NEBL: variants seen among roughly 807,000 people sequenced by gnomAD.
NEBL encodes nebulette.
NEBL carries 122 observed loss-of-function variants against 140.2 expected under a neutral mutation model. The ratio of observed to expected loss-of-function variants is 0.87; its 90% CI spans 0.75 to 1.01. The LOEUF (loss-of-function observed/expected upper bound fraction) is 1.01. NEBL is among the 50% of genes least tolerant of loss of function. NEBL has a pLI of 0.00. For synonymous variants in NEBL, 436 were observed against 398.9 expected, an observed-to-expected ratio of 1.09 and a Z score of -1.11; for missense variants, 1,365 against 1,231.3, an observed-to-expected ratio of 1.11 and a Z score of -1.62.
intron 1 of NEBL, chr10:21,172,577 G>T: frequency 1.2e-6 from 1 of 806,186 alleles, no homozygotes; most frequent in Non-Finnish European, 2.1e-6. Flanking sequence ...AGTCCCTGTA[G>T]CTGAAAATAT....
At chr10:20,818,714 G>A (rs1838980185) in intron 20 of NEBL, 2 of 857,590 alleles carry the variant, frequency 2.3e-6, no homozygotes, top group African/African-American at 1.8e-5. Flanking sequence ...CCATCTTTGT[G>A]TCTGGGTGAC....
rs1170654051 is a variant in NEBL, at chr10:20,783,211, T to C, written c.*2536A>G. 1 of 152,294 alleles carries C rather than the reference T, an allele frequency of 6.6e-6. No homozygotes were observed. Among genetic ancestry groups the C allele is most frequent in the Non-Finnish European group, 1.5e-5 (1 of 68,036 alleles). The allele number at this position is 152,294 out of a possible 1,614,324, so 9.4% of individuals were successfully genotyped here. On this transcript the variant is annotated 3_prime_UTR_variant, in exon 28 of 28. Transcript: ENST00000377122. ...AATGATGCTTTTAAAAATAGCACTT[T>C]GGTTTTATACATATAATTTTCCAAT... is the stretch of plus-strand genomic sequence containing the variant.
At chr10:20,880,000 T>A (rs1366434716) in intron 5 of NEBL, among the ~76,000 whole-genome samples, 1 of 152,218 alleles carries the variant, frequency 6.6e-6, no homozygotes, top group Admixed American at 6.5e-5. Context: ...AAGTCAGCCA[T>A]TAGGCATCTA....
chr10:20,914,823 T>G (rs2131475736), intron 4 of NEBL, among the ~76,000 whole-genome samples: 1 of 152,206 alleles, frequency 6.6e-6, no homozygotes, highest in Admixed American at 6.5e-5. Context: ...AGGGTAATGG[T>G]TCTCAAGATG....
At chr10:21,130,364 G>C (rs1839045784) in intron 2 of NEBL, among the ~76,000 whole-genome samples, 1 of 152,006 alleles carries the variant, frequency 6.6e-6, no homozygotes, top group Admixed American at 6.6e-5. Flanking sequence ...AAATCAGCAA[G>C]GACATAGTTG....
intron 4 of NEBL, among the ~76,000 whole-genome samples, chr10:20,950,550 A>G (rs929206684): frequency 3.3e-5 from 5 of 152,154 alleles, no homozygotes; most frequent in Non-Finnish European, 7.3e-5. Context: ...CATCCAGAAA[A>G]GTGGTTTTTC....
At chr10:21,229,278 A>G (rs1284764621) in intron 3 of NEBL, among the ~76,000 whole-genome samples, 2 of 152,152 alleles carry the variant, frequency 1.3e-5, no homozygotes, top group Non-Finnish European at 2.9e-5. Context: ...AATATTATCC[A>G]GGCATGGAAG....
intron 2 of NEBL, among the ~76,000 whole-genome samples, chr10:21,151,749 C>T (rs1346885712): frequency 6.6e-6 from 1 of 152,162 alleles, no homozygotes; most frequent in African/African-American, 2.4e-5. Flanking sequence ...TTGCCTATAC[C>T]AGGTTTTGCT....
At chr10:21,075,346 C>T (rs905793784) in intron 2 of NEBL, among the ~76,000 whole-genome samples, 3 of 152,106 alleles carry the variant, frequency 2.0e-5, no homozygotes, top group Non-Finnish European at 4.4e-5. Context: ...GAGAGGGTCA[C>T]TTGCTGATAA....
chr10:20,943,010 C>T (rs1834964570), intron 4 of NEBL, among the ~76,000 whole-genome samples: 1 of 152,176 alleles, frequency 6.6e-6, no homozygotes, highest in Admixed American at 6.5e-5. Flanking sequence ...ACTAGTTCAA[C>T]CATTGTGGAA....
At chr10:20,817,872 G>C (rs2130817988) in intron 20 of NEBL, among the ~76,000 whole-genome samples, 180 bp from the exon 21 acceptor site, 1 of 152,294 alleles carries the variant, frequency 6.6e-6, no homozygotes, top group Admixed American at 6.5e-5. Context: ...GCAAGCACAA[G>C]TTGTTGCTGG....
In NEBL at chr10:20,840,776, A is replaced by C; in HGVS notation, c.1301T>G (p.Ile434Ser). ...TTCAGAGGCTCGCTTTGCTCTTTGG[A>C]TATCAAGAACTTCTGAATTAAGTTC... Reference protein sequence around the residue: ...GMELNSEVLDIQRAKRASEMA... With the variant: ...GMELNSEVLDSQRAKRASEMA... The change falls in exon 13 of 28, where the codon ATC becomes AGC. Residue 434 changes from isoleucine to serine, a missense_variant. By Grantham distance (142) the Ile-to-Ser change is moderately radical (BLOSUM62 -2). Transcript: ENST00000377122. 1 of 1,612,000 alleles carries C rather than the reference A, an allele frequency of 6.2e-7. No homozygotes were observed. Among genetic ancestry groups the C allele is most frequent in the Non-Finnish European group, 8.5e-7 (1 of 1,178,596 alleles).
chr10:21,233,965 T>A (rs1842309464), intron 3 of NEBL, among the ~76,000 whole-genome samples: 1 of 147,738 alleles, frequency 6.8e-6, no homozygotes, highest in South Asian at 2.1e-4. Flanking sequence ...TTAGTATAGA[T>A]GCATCCTTCC....
intron 4 of NEBL, among the ~76,000 whole-genome samples, chr10:20,904,257 C>T (rs983871833): frequency 6.6e-6 from 1 of 152,060 alleles, no homozygotes; most frequent in Admixed American, 6.6e-5. Context: ...TGAGACAGAC[C>T]CTTTTTGCAC....
rs138475771 is a variant in NEBL at position 21,035,303 on chromosome 10, G to A, written c.165-15102C>T. ...ATAAGCCACCATGCCCAGCCCCCAA[G>A]CTATTTATTCTGATGCTCTCCTTCC... is the stretch of plus-strand genomic sequence containing the variant. On this transcript the variant is annotated intron_variant, in intron 2 of 6. Coordinates refer to the NEBL transcript ENST00000417816. Among the ~76,000 whole-genome samples, 268 of 149,392 alleles carry A rather than the reference G, an allele frequency of 1.8e-3. 1 individual carries two copies. Among genetic ancestry groups the A allele is most frequent in the African/African-American group, 6.2e-3 (253 of 40,590 alleles).
At chr10:20,849,522 T>C (rs1842306644) in intron 11 of NEBL, among the ~76,000 whole-genome samples, 1 of 152,232 alleles carries the variant, frequency 6.6e-6, no homozygotes, top group Admixed American at 6.5e-5. Flanking sequence ...GGAATGGTTT[T>C]GTTACCATGG....
At chr10:21,122,064 C>T (rs1435186052) in intron 2 of NEBL, among the ~76,000 whole-genome samples, 1 of 151,620 alleles carries the variant, frequency 6.6e-6, no homozygotes, top group African/African-American at 2.4e-5. Flanking sequence ...CTCTTTCTAT[C>T]ACCCAGACTG....
At chr10:21,070,735 T>C (rs577864324) in intron 2 of NEBL, among the ~76,000 whole-genome samples, 9 of 152,292 alleles carry the variant, frequency 5.9e-5, no homozygotes, top group African/African-American at 2.2e-4. Context: ...TGTACAGAAA[T>C]CTAGGCTGTG....
chr10:20,842,094 G>A (rs1485066365), intron 12 of NEBL, among the ~76,000 whole-genome samples: 1 of 151,918 alleles, frequency 6.6e-6, no homozygotes, highest in Non-Finnish European at 1.5e-5. Context: ...TTCCTTTATT[G>A]ATAAGAAATC....
Sources: gnomAD v4.1 joint callset for allele counts (sites outside exome capture counted in the v4.1 genomes callset) on GRCh38, gnomAD v4.1.1 for gene constraint, MANE v1.5 for transcripts, NCBI Gene and HGNC (gene_info 2026-07-23, HGNC 2026-07-21) for gene names.